LEF1: variants seen among roughly 807,000 people sequenced by gnomAD.
LEF1 encodes the protein lymphoid enhancer-binding factor 1.
Under a neutral mutation model 51.2 loss-of-function variants are expected in LEF1, and 14 were observed. That is an observed-to-expected ratio of 0.27 (90% confidence interval 0.18 to 0.43). The LOEUF (loss-of-function observed/expected upper bound fraction) is 0.43, where lower values mean the gene tolerates loss of function less well. Ranked by LOEUF, LEF1 falls within the 20% of genes least tolerant of loss-of-function variation. The pLI is 1.00. For missense variants in LEF1, 386 were observed against 512.0 expected, an observed-to-expected ratio of 0.75 and a Z score of 2.37; for synonymous variants, 185 against 183.2, an observed-to-expected ratio of 1.01 and a Z score of -0.08.
intron 3 of LEF1, among the ~76,000 whole-genome samples, chr4:108,148,946 A>C (rs1560824113): frequency 6.6e-6 from 1 of 152,210 alleles, no homozygotes; most frequent in Non-Finnish European, 1.5e-5. Flanking sequence ...CAAAGATAGC[A>C]CTGAGTTACT....
At chr4:108,081,529 T>G in intron 6 of LEF1, 57 bp downstream of exon 6, 1 of 1,390,378 alleles carries the variant, frequency 7.2e-7, no homozygotes, top group Admixed American at 1.7e-5. Context: ...GCGCACAGGA[T>G]GCAAGCACGA....
Position 108,133,700 on chromosome 4 carries a change from G to A in LEF1, c.414+29868C>T, listed in dbSNP as rs374846885. ...CTGTGTCTTTTAAATCAATAAATGC[G>A]GGGTTGGGACGGACTTTAGAGGTCC... On this transcript the variant is annotated intron_variant, in intron 3 of 11. Coordinates refer to ENST00000265165, the MANE Select transcript of LEF1 (RefSeq NM_016269.5). 3.9e-5 allele frequency among the ~76,000 whole-genome samples: 6 copies of A among 152,144 alleles called. No homozygotes were observed. In the South Asian group the frequency reaches 8.3e-4, roughly 21 times the overall value.
chr4:108,148,664 A>G (rs1307284804), intron 3 of LEF1, among the ~76,000 whole-genome samples: 3 of 152,236 alleles, frequency 2.0e-5, no homozygotes, highest in African/African-American at 7.2e-5. Flanking sequence ...GACTGTCAAA[A>G]TAAGTATCTT....
chr4:108,067,192 T>G (rs997462369), intron 9 of LEF1, among the ~76,000 whole-genome samples: 6 of 152,244 alleles, frequency 3.9e-5, no homozygotes, highest in Non-Finnish European at 7.3e-5. Context: ...TCAAGGAATA[T>G]GCAAAACAAT....
intron 3 of LEF1, among the ~76,000 whole-genome samples, chr4:108,125,740 T>C (rs1578372699): frequency 6.6e-6 from 1 of 151,912 alleles, no homozygotes; most frequent in Non-Finnish European, 1.5e-5. Flanking sequence ...AGCACGCATA[T>C]TGGGAAAACA....
At chr4:108,088,869 A>G (rs1166820638) in intron 4 of LEF1, among the ~76,000 whole-genome samples, 1 of 152,194 alleles carries the variant, frequency 6.6e-6, no homozygotes, top group East Asian at 1.9e-4. Flanking sequence ...ATTGGTTTAC[A>G]TTGTGAATGA....
At chr4:108,100,192 A>C (rs1287919532) in intron 3 of LEF1, among the ~76,000 whole-genome samples, 1 of 152,210 alleles carries the variant, frequency 6.6e-6, no homozygotes, top group African/African-American at 2.4e-5. Flanking sequence ...TAAATGAGAA[A>C]GAAAGCAGAT....
chr4:108,091,852 T>G (rs1688135127), intron 3 of LEF1, among the ~76,000 whole-genome samples: 1 of 152,312 alleles, frequency 6.6e-6, no homozygotes, highest in African/African-American at 2.4e-5. Flanking sequence ...AACGCCCAAA[T>G]GTTAAAATCG....
intron 3 of LEF1, among the ~76,000 whole-genome samples, chr4:108,127,686 T>A (rs1327332587): frequency 6.6e-6 from 1 of 152,142 alleles, no homozygotes; most frequent in Non-Finnish European, 1.5e-5. Context: ...AAATAAATTA[T>A]CGTGACTGTA....
chr4:108,093,169 C>T (rs2110277001), intron 3 of LEF1, among the ~76,000 whole-genome samples: 1 of 152,248 alleles, frequency 6.6e-6, no homozygotes, highest in South Asian at 2.1e-4. Context: ...GCCAGGACTA[C>T]TGTATAAAAT....
chr4:108,129,550 C>A (rs1419269880), intron 3 of LEF1, among the ~76,000 whole-genome samples: 1 of 152,036 alleles, frequency 6.6e-6, no homozygotes, highest in African/African-American at 2.4e-5. Context: ...AATGGAGAAG[C>A]AAAGGAGAGA....
At chr4:108,085,782 C>A (rs952728698) in intron 4 of LEF1, among the ~76,000 whole-genome samples, 1 of 152,204 alleles carries the variant, frequency 6.6e-6, no homozygotes, top group African/African-American at 2.4e-5. Context: ...AGAAATCTTT[C>A]TCCTTTGAAT....
intron 3 of LEF1, among the ~76,000 whole-genome samples, chr4:108,150,995 T>C (rs2110395004): frequency 6.6e-6 from 1 of 152,312 alleles, no homozygotes; most frequent in South Asian, 2.1e-4. Flanking sequence ...ATTGTTGACT[T>C]ACATCAAATA....
intron 3 of LEF1, among the ~76,000 whole-genome samples, chr4:108,120,023 GT>G (rs1742073734): frequency 2.1e-5 from 2 of 94,078 alleles, no homozygotes; most frequent in African/African-American, 6.1e-5. Flanking sequence ...GTGTGTGTGT[GT>G]GTGTGTGTAT....
chr4:108,049,689 G>T (rs908908886), intron 11 of LEF1, among the ~76,000 whole-genome samples: 1 of 152,200 alleles, frequency 6.6e-6, no homozygotes, highest in Non-Finnish European at 1.5e-5. Flanking sequence ...GCTTGTGATT[G>T]TGCTATCCGT....
At chr4:108,063,581 T>A in intron 11 of LEF1, 42 bp downstream of exon 11, 3 of 1,508,534 alleles carry the variant, frequency 2.0e-6, no homozygotes, top group Non-Finnish European at 2.7e-6. Flanking sequence ...CCTCTTTTTA[T>A]AACAACTAAC....
intron 4 of LEF1, among the ~76,000 whole-genome samples, chr4:108,088,422 T>C (rs1221188016): frequency 6.6e-6 from 1 of 152,228 alleles, no homozygotes; most frequent in Non-Finnish European, 1.5e-5. Context: ...AAATCCATCC[T>C]TGAGGTTTGC....
At chr4:108,109,340 TA>T (rs1444294923) in intron 3 of LEF1, among the ~76,000 whole-genome samples, 1 of 152,072 alleles carries the variant, frequency 6.6e-6, no homozygotes, top group African/African-American at 2.4e-5. Context: ...GAAAGGCCTC[TA>T]AAAATGAAAA....
chr4:108,082,734 C>T (rs368532473), intron 5 of LEF1, among the ~76,000 whole-genome samples: 30 of 152,076 alleles, frequency 2.0e-4, no homozygotes, highest in East Asian at 1.9e-4. Context: ...ATTTCCTTCA[C>T]CTTCATAATT....
Sources: gnomAD v4.1 joint callset for allele counts (sites outside exome capture counted in the v4.1 genomes callset) on GRCh38, gnomAD v4.1.1 for gene constraint, MANE v1.5 for transcripts, NCBI Gene and HGNC (gene_info 2026-07-23, HGNC 2026-07-21) for gene names.